Variants in ADGRF5 observed in about 807,000 individuals in gnomAD.
ADGRF5 encodes the protein adhesion G protein-coupled receptor F5.
In ADGRF5, 75 loss-of-function variants were observed where a neutral mutation model predicts 132.3. The observed-to-expected ratio is 0.57, with a 90% CI of 0.47 to 0.69. ADGRF5 has a LOEUF of 0.69. Ranked by LOEUF, ADGRF5 falls within the 30% of genes least tolerant of loss-of-function variation. The pLI is 0.00. For synonymous variants in ADGRF5, 629 were observed against 597.6 expected, an observed-to-expected ratio of 1.05 and a Z score of -0.77; for missense variants, 1,516 against 1,630.6, an observed-to-expected ratio of 0.93 and a Z score of 1.21.
chr6:46,940,492 C>T (rs1235734893), intron 1 of ADGRF5, among the ~76,000 whole-genome samples: 1 of 152,022 alleles, frequency 6.6e-6, no homozygotes, highest in African/African-American at 2.4e-5. Context: ...AAATAACAGC[C>T]CTCAGGATAT....
chr6:46,879,384 T>TG (rs1286527287), intron 9 of ADGRF5, among the ~76,000 whole-genome samples: 1 of 152,078 alleles, frequency 6.6e-6, no homozygotes, highest in African/African-American at 2.4e-5. Flanking sequence ...GATTTTCTCA[T>TG]GGGGGCAGTT....
At chr6:46,953,762 G>C (rs1406139194) in intron 1 of ADGRF5, among the ~76,000 whole-genome samples, 2 of 146,924 alleles carry the variant, frequency 1.4e-5, no homozygotes, top group East Asian at 2.0e-4. Context: ...AGATAGAATG[G>C]AGGGAGACTG....
intron 1 of ADGRF5, among the ~76,000 whole-genome samples, chr6:46,913,586 C>G (rs1206575518): frequency 6.6e-6 from 1 of 152,006 alleles, no homozygotes; most frequent in African/African-American, 2.4e-5. Flanking sequence ...TGATATTGCT[C>G]ATTGGACTTG....
At chr6:46,901,525 T>A (rs1774764920) in intron 2 of ADGRF5, among the ~76,000 whole-genome samples, 1 of 152,176 alleles carries the variant, frequency 6.6e-6, no homozygotes, top group Admixed American at 6.5e-5. Flanking sequence ...TCCTAAGATG[T>A]ATTTAACACC....
At chr6:46,860,134 C>T (rs1252084755) in intron 16 of ADGRF5, among the ~76,000 whole-genome samples, 1 of 152,194 alleles carries the variant, frequency 6.6e-6, no homozygotes, top group Non-Finnish European at 1.5e-5. Flanking sequence ...GGTCCCGCCT[C>T]TAAGTCTTCA....
chr6:46,857,895 G>C (rs627910), intron 17 of ADGRF5, among the ~76,000 whole-genome samples: 127,201 of 152,166 alleles, frequency 0.84, 54,963 homozygotes, highest in East Asian at 0.99. Context: ...GTATTTAGCA[G>C]AGACTGGCAA....
In ADGRF5 at chr6:46,861,190, G is replaced by A. The variant is rs143428843; in HGVS notation, c.2200-296C>T. On this transcript the variant is annotated intron_variant, in intron 15 of 20. Transcript: ENST00000283296. ...ATGGCTAGAGAAGTAGGTTAAAGTT[G>A]GGTGCAATGGTCACTTGGATAGTCG... Among the ~76,000 whole-genome samples the A allele has an allele frequency of 2.6e-3, 402 of 152,302 alleles. 2 individuals are homozygous for A. Among genetic ancestry groups the A allele is most frequent in the African/African-American group, 9.1e-3 (379 of 41,562 alleles).
chr6:46,868,783 C>A, intron 12 of ADGRF5, 100 bp downstream of exon 12: 1 of 716,602 alleles, frequency 1.4e-6, no homozygotes, highest in African/African-American at 1.8e-5. Flanking sequence ...AAGTGGTTGG[C>A]ATAGGCATGT....
intron 4 of ADGRF5, among the ~76,000 whole-genome samples, chr6:46,885,703 A>G (rs772258919): frequency 5.3e-5 from 8 of 152,226 alleles, no homozygotes; most frequent in Non-Finnish European, 1.0e-4. Flanking sequence ...AAAAGGACCA[A>G]TGCTTCCTTT....
At chr6:46,913,846 A>AT (rs1438037207) in intron 1 of ADGRF5, among the ~76,000 whole-genome samples, 4 of 152,208 alleles carry the variant, frequency 2.6e-5, no homozygotes, top group Admixed American at 1.3e-4. Flanking sequence ...AACTAACTGT[A>AT]TTAGTACAAA....
rs368942061 is a variant in ADGRF5, at chr6:46,856,935, T to G, written c.3775-27A>C. The G allele has an allele frequency of 1.9e-6, 3 of 1,558,840 alleles. No homozygotes were observed. The South Asian group carries it at 3.3e-5, about 17-fold the overall frequency. On this transcript the variant is annotated intron_variant, in intron 17 of 20. Transcript: ENST00000283296. ...TGAGAAAAAAAAGATTGAAAAGAAGTGCATTTTAATTATAGTCTATTGTCC... is the reference window on the plus strand; with the variant it reads ...TGAGAAAAAAAAGATTGAAAAGAAGGGCATTTTAATTATAGTCTATTGTCC...
intron 1 of ADGRF5, among the ~76,000 whole-genome samples, chr6:46,943,100 GA>G (rs1256686089): frequency 1.4e-5 from 2 of 147,960 alleles, no homozygotes; most frequent in South Asian, 2.1e-4. Flanking sequence ...GTCAAAAGAG[GA>G]AAAAAAACCT....
chr6:46,904,300 T>A (rs1324056059), intron 2 of ADGRF5, among the ~76,000 whole-genome samples: 1 of 152,214 alleles, frequency 6.6e-6, no homozygotes, highest in East Asian at 1.9e-4. Context: ...AAGCAACTCA[T>A]GTCCGTGGAT....
intron 15 of ADGRF5, 87 bp from the exon 16 acceptor site, chr6:46,860,981 C>G: frequency 9.9e-7 from 1 of 1,013,496 alleles, no homozygotes; most frequent in East Asian, 2.5e-5. Context: ...CAAAATCTCT[C>G]ACATCCGTTG....
intron 1 of ADGRF5, among the ~76,000 whole-genome samples, chr6:46,932,399 T>C (rs1431684679): frequency 6.6e-6 from 1 of 152,196 alleles, no homozygotes; most frequent in East Asian, 1.9e-4. Flanking sequence ...TTTTACCTCT[T>C]ATCTCTTTTT....
At chr6:46,870,775 T>C (rs1355047506) in intron 11 of ADGRF5, 2 of 414,736 alleles carry the variant, frequency 4.8e-6, no homozygotes, top group South Asian at 1.7e-5. Context: ...GTTTTGTGGA[T>C]AGAGGTAAAG....
chr6:46,869,239 A>G, intron 11 of ADGRF5, 147 bp from the exon 12 acceptor site: 2 of 1,472,684 alleles, frequency 1.4e-6, no homozygotes, highest in Non-Finnish European at 1.8e-6. Flanking sequence ...TCAAGGTAGA[A>G]TTGGTACCTT....
chr6:46,920,407 A>T (rs9472905), intron 1 of ADGRF5, among the ~76,000 whole-genome samples: 1,577 of 152,160 alleles, frequency 0.01, 29 homozygotes, highest in African/African-American at 0.036. Flanking sequence ...ATAAATCACA[A>T]GAACTTGACA....
At chr6:46,869,129 T>C (rs1263340736) in intron 11 of ADGRF5, 37 bp from the exon 12 acceptor site, 3 of 1,592,518 alleles carry the variant, frequency 1.9e-6, no homozygotes, top group African/African-American at 1.3e-5. Flanking sequence ...AAAAGAAAAC[T>C]GACAAGTTCA....
Sources: gnomAD v4.1 joint callset for allele counts (sites outside exome capture counted in the v4.1 genomes callset) on GRCh38, gnomAD v4.1.1 for gene constraint, MANE v1.5 for transcripts, NCBI Gene and HGNC (gene_info 2026-07-23, HGNC 2026-07-21) for gene names.